Variants in KLHDC10 observed in about 807,000 individuals in gnomAD.
The protein encoded by KLHDC10 is kelch domain containing 10, also known as kelch domain-containing protein 10.
A neutral mutation model predicts 56.1 loss-of-function variants in KLHDC10; 24 were observed. The observed-to-expected ratio is 0.43, with a 90% CI of 0.31 to 0.60. The LOEUF is 0.60. Among genes scored for constraint, KLHDC10 ranks in the 20% least tolerant of loss-of-function variants. The pLI, the probability that KLHDC10 is intolerant of heterozygous loss-of-function variation, is 0.11. For missense variants in KLHDC10, 349 were observed against 567.0 expected (o/e 0.62, Z 3.91); for synonymous variants, 188 against 207.1 (o/e 0.91, Z 0.79).
At chr7:130,085,569 T>C (rs1584620992) in intron 1 of KLHDC10, among the ~76,000 whole-genome samples, 1 of 151,894 alleles carries the variant, frequency 6.6e-6, no homozygotes, top group Admixed American at 6.6e-5. Flanking sequence ...GTGCAGTGGC[T>C]CCTGCCTGTA....
In KLHDC10 at chr7:130,130,273, A is replaced by G. The variant is rs977148517; in HGVS notation, c.1120-264A>G. Among the ~76,000 whole-genome samples the G allele has an allele frequency of 2.6e-5, 4 of 150,992 alleles. No individual in the cohort carries two copies. Among genetic ancestry groups the G allele is most frequent in the Non-Finnish European group, 5.9e-5 (4 of 67,834 alleles). On this transcript the variant is annotated intron_variant, in intron 9 of 9. Transcript: ENST00000335420. This position sits in a 1 kb window ranked among gnomAD's most constrained non-coding sequence, Gnocchi z 4.2. ...AGGCGGAGAGCTTGCAGTGAGCTGA[A>G]ATTGCGCCACTGCACTCCAGCCTGG...
rs1795474351 is a variant in KLHDC10 at position 130,074,758 on chromosome 7, GGT to G, written c.166+3951_166+3952del. Among the ~76,000 whole-genome samples, 10 of 152,060 alleles carry G rather than the reference GGT, an allele frequency of 6.6e-5. 1 individual carries two copies. In the South Asian group the frequency reaches 1.9e-3, roughly 28 times the overall value. ...AGCCTCCTGAGTAGTTGGGATTATAGGTGCGCGCCACTGTGCTACTTTTTGTA... is the reference window on the plus strand; with the variant it reads ...AGCCTCCTGAGTAGTTGGGATTATAGGCGCGCCACTGTGCTACTTTTTGTA... On this transcript the variant is annotated intron_variant, in intron 1 of 9. Coordinates refer to ENST00000335420, the MANE Select transcript of KLHDC10 (RefSeq NM_014997.4).
At chr7:130,127,306 T>C (rs1248771610) in intron 7 of KLHDC10, 98 bp from the exon 8 acceptor site, 2 of 946,420 alleles carry the variant, frequency 2.1e-6, no homozygotes, top group Non-Finnish European at 3.4e-6. Context: ...AAAGGGATTG[T>C]TTTGAGTTAC....
At position 130,125,903 on chromosome 7, in the gene KLHDC10, A is replaced by G. The variant is rs778956398; in HGVS notation, c.903A>G (p.Glu301=). ...ACCTTGAAACGAATGCCTGGGAGGA[A>G]ATTGCAACAAAACCCCATGAAAAAA... ...AYNLETNAWE[E]IATKPHEKIG... Residue 301 remains glutamate (E), a synonymous_variant, in exon 7 of 10, where the codon GAA becomes GAG. Transcript: ENST00000335420. 2.5e-6 allele frequency: 4 copies of G among 1,602,256 alleles called. No homozygotes were observed. Among genetic ancestry groups the G allele is most frequent in the Non-Finnish European group, 3.4e-6 (4 of 1,176,928 alleles).
At chr7:130,119,928 G>A (rs965212560) in intron 3 of KLHDC10, among the ~76,000 whole-genome samples, 2 of 151,724 alleles carry the variant, frequency 1.3e-5, no homozygotes, top group East Asian at 3.9e-4. Context: ...TGAGTGAAGA[G>A]AATACGTGTG....
intron 1 of KLHDC10, among the ~76,000 whole-genome samples, chr7:130,084,677 T>A (rs890015313): frequency 6.6e-6 from 1 of 151,350 alleles, no homozygotes; most frequent in South Asian, 2.1e-4. Context: ...CTCGGGAGGC[T>A]GAGGCACAAG....
At chr7:130,082,810 C>T (rs1014688853) in intron 1 of KLHDC10, among the ~76,000 whole-genome samples, 2 of 152,186 alleles carry the variant, frequency 1.3e-5, no homozygotes, top group Non-Finnish European at 2.9e-5. Flanking sequence ...TCTTAGTTTT[C>T]ATCCTACCCA....
At position 130,109,328 on chromosome 7, in the gene KLHDC10, C is replaced by G. The variant is rs546984384; in HGVS notation, c.254-7117C>G. Among the ~76,000 whole-genome samples the G allele has an allele frequency of 2.0e-4, 30 of 151,522 alleles. No individual in the cohort carries two copies. In the South Asian group the frequency reaches 6.3e-3, roughly 32 times the overall value. Reference sequence around the variant, plus strand: ...TAGCTTACTGCACTCAAGCGATCCTCCAGCCCACCTCAGCCACCCACGTAG... The same window carrying G: ...TAGCTTACTGCACTCAAGCGATCCTGCAGCCCACCTCAGCCACCCACGTAG... On this transcript the variant is annotated intron_variant, in intron 2 of 9. Transcript: ENST00000335420.
At chr7:130,082,997 C>G (rs1017706717) in intron 1 of KLHDC10, among the ~76,000 whole-genome samples, 3 of 152,152 alleles carry the variant, frequency 2.0e-5, no homozygotes, top group Non-Finnish European at 4.4e-5. Flanking sequence ...TTTGTTTCCC[C>G]TTCTTACTCT....
rs970453222 is a variant in KLHDC10 at position 130,134,723 on chromosome 7, A to G, written c.*3977A>G. The G allele has an allele frequency of 1.3e-5, 2 of 151,838 alleles. No individual in the cohort carries two copies. The highest frequency in any genetic ancestry group is 6.6e-5 in the Admixed American group (1 of 15,254). 9.4% of individuals were successfully genotyped at this position (151,838 alleles called of 1,614,324 possible). A position where few individuals can be genotyped will look rare whatever the true frequency, so the allele number is the denominator to read the frequency against. On this transcript the variant is annotated 3_prime_UTR_variant, in exon 10 of 10. Transcript: ENST00000335420. ...GCATTCTGATATAGCACAAAAAGCT[A>G]TTTTCCTTTATTTTTTGTATTATTT...
chr7:130,093,620 A>C lies in KLHDC10; in HGVS notation c.167-3301A>C, dbSNP rs113358824. On this transcript the variant is annotated intron_variant, in intron 1 of 9. Transcript: ENST00000335420. ...AACTCAATGAATAAAAGTTCAGACC[A>C]GTAATATATTTATATGAAACTGGAG... 6.0e-3 allele frequency among the ~76,000 whole-genome samples: 909 copies of C among 152,342 alleles called. 8 individuals are homozygous for C. The highest frequency in any genetic ancestry group is 0.02 in the African/African-American group (823 of 41,576).
chr7:130,099,717 G>C (rs1335129997), intron 2 of KLHDC10, among the ~76,000 whole-genome samples: 1 of 152,258 alleles, frequency 6.6e-6, no homozygotes, highest in Non-Finnish European at 1.5e-5. Flanking sequence ...CCCAGATCAA[G>C]TGGGCACCAC....
chr7:130,091,687 C>G (rs1795775224), intron 1 of KLHDC10, among the ~76,000 whole-genome samples: 1 of 152,074 alleles, frequency 6.6e-6, no homozygotes, highest in Non-Finnish European at 1.5e-5. Flanking sequence ...TATAAATATT[C>G]CTGTTGATAG....
At chr7:130,112,595 C>T (rs1796116191) in intron 2 of KLHDC10, among the ~76,000 whole-genome samples, 2 of 152,128 alleles carry the variant, frequency 1.3e-5, no homozygotes, top group African/African-American at 2.4e-5. Flanking sequence ...TCAGTTTTGT[C>T]AAGGTTGAGG....
At chr7:130,101,376 T>C (rs993600478) in intron 2 of KLHDC10, among the ~76,000 whole-genome samples, 2 of 152,190 alleles carry the variant, frequency 1.3e-5, no homozygotes, top group African/African-American at 4.8e-5. Flanking sequence ...CAACCCAGAA[T>C]AGATGCTCCT....
rs118007474 is a variant in KLHDC10 at position 130,103,781 on chromosome 7, A to T, written c.253+6774A>T. On this transcript the variant is annotated intron_variant, in intron 2 of 9. Coordinates refer to ENST00000335420, the MANE Select transcript of KLHDC10 (RefSeq NM_014997.4). ...CCCATTTTGATAAAATTACTTGAAG[A>T]TGTACTCTGGTAAAATGAAAAATCC... is the stretch of plus-strand genomic sequence containing the variant. 1.1e-3 allele frequency among the ~76,000 whole-genome samples: 165 copies of T among 152,148 alleles called. 3 individuals are homozygous for T. In the East Asian group the frequency reaches 0.025, roughly 23 times the overall value.
chr7:130,096,889 GTC>G (rs749288339), intron 1 of KLHDC10, 30 bp from the exon 2 acceptor site: 5 of 1,493,294 alleles, frequency 3.3e-6, no homozygotes, highest in Non-Finnish European at 4.7e-6. Context: ...TGTTGTATGT[GTC>G]TGACTTATTG....
In KLHDC10 at chr7:130,112,296, C is replaced by G. The variant is rs954446764; in HGVS notation, c.254-4149C>G. Among the ~76,000 whole-genome samples the G allele has an allele frequency of 3.9e-5, 6 of 152,254 alleles. No homozygotes were observed. The East Asian group carries it at 9.7e-4, about 25-fold the overall frequency. On this transcript the variant is annotated intron_variant, in intron 2 of 9. Coordinates refer to ENST00000335420, the MANE Select transcript of KLHDC10 (RefSeq NM_014997.4). ...GGTTACCGTAAGTTCCTGCTTGCTC[C>G]CTGGGTAAAGAGCAAGTCCTTGTGA...
chr7:130,105,123 T>C (rs1328525553), intron 2 of KLHDC10, among the ~76,000 whole-genome samples: 2 of 152,202 alleles, frequency 1.3e-5, no homozygotes, highest in East Asian at 1.9e-4. Flanking sequence ...GGCAAGGATA[T>C]GGAACAACAG....
Sources: allele counts gnomAD v4.1 joint callset (sites outside exome capture counted in the v4.1 genomes callset), GRCh38; gene constraint gnomAD v4.1.1; non-coding constraint Gnocchi (gnomAD v3.1); transcripts MANE v1.5; gene names NCBI Gene and HGNC (gene_info 2026-07-23, HGNC 2026-07-21).